The following KALRN variants were observed in gnomAD, a reference collection of about 807,000 sequenced individuals.
KALRN encodes kalirin RhoGEF kinase, also known as kalirin.
KALRN carries 70 observed loss-of-function variants against 353.7 expected under a neutral mutation model. That is an observed-to-expected ratio of 0.20 (90% CI 0.16 to 0.24). The LOEUF (loss-of-function observed/expected upper bound fraction) is 0.24, where lower values mean the gene tolerates loss of function less well. Among genes scored for constraint, KALRN ranks in the 10% least tolerant of loss-of-function variants. The pLI, the probability that KALRN is intolerant of heterozygous loss-of-function variation, is 1.00. For synonymous variants in KALRN, 1,391 were observed against 1,434.8 expected, an observed-to-expected ratio of 0.97 and a Z score of 0.69; for missense variants, 2,791 against 3,756.7, an observed-to-expected ratio of 0.74 and a Z score of 6.72.
At chr3:124,338,684 A>T (rs1024274948) in intron 9 of KALRN, among the ~76,000 whole-genome samples, 1 of 152,094 alleles carries the variant, frequency 6.6e-6, no homozygotes, top group Non-Finnish European at 1.5e-5. Flanking sequence ...CAAGTCATGG[A>T]TATCCTTGTT....
At chr3:124,188,356 G>C (rs1157883648) in intron 1 of KALRN, among the ~76,000 whole-genome samples, 1 of 152,216 alleles carries the variant, frequency 6.6e-6, no homozygotes, top group African/African-American at 2.4e-5. Flanking sequence ...AAATAGTCAT[G>C]AGGGGTGCGC....
chr3:124,110,327 TATATATATG>T, intron 1 of KALRN, among the ~76,000 whole-genome samples: 1 of 44,988 alleles, frequency 2.2e-5, no homozygotes, highest in Non-Finnish European at 6.2e-5. Context: ...CATACTTTGA[TATATATATG>T]ACATATATAT....
intron 1 of KALRN, among the ~76,000 whole-genome samples, chr3:124,127,944 A>G (rs2064873270): frequency 6.6e-6 from 1 of 151,526 alleles, no homozygotes; most frequent in South Asian, 2.1e-4. Flanking sequence ...CTTATGCTTC[A>G]TTTACTTTTT....
At chr3:124,307,262 G>C (rs1158272665) in intron 6 of KALRN, among the ~76,000 whole-genome samples, 1 of 151,986 alleles carries the variant, frequency 6.6e-6, no homozygotes, top group Non-Finnish European at 1.5e-5. Flanking sequence ...ATTTGTAGTA[G>C]GCTAAGGAAA....
intron 6 of KALRN, among the ~76,000 whole-genome samples, chr3:124,313,193 C>G (rs1033939871): frequency 6.6e-6 from 1 of 152,214 alleles, no homozygotes; most frequent in Non-Finnish European, 1.5e-5. Context: ...ACTGCATGAT[C>G]TTTCAAGTTC....
chr3:124,420,877 C>T (rs371325949), intron 14 of KALRN, among the ~76,000 whole-genome samples: 26 of 152,152 alleles, frequency 1.7e-4, no homozygotes, highest in African/African-American at 5.3e-4. Flanking sequence ...GGATTTCTGA[C>T]GGTGTGAGTT....
chr3:124,083,513 A>G (rs2060648560), intron 1 of KALRN, among the ~76,000 whole-genome samples: 1 of 152,168 alleles, frequency 6.6e-6, no homozygotes, highest in South Asian at 2.1e-4. Context: ...AAGGCTGACA[A>G]CATAATGATA....
At chr3:124,153,106 T>C in intron 1 of KALRN, 1 of 156,210 alleles carries the variant, frequency 6.4e-6, no homozygotes, top group South Asian at 1.9e-4. Context: ...ATTTTTTAAT[T>C]TTAATTTTTA....
At chr3:124,112,243 C>T (rs1253033463) in intron 1 of KALRN, among the ~76,000 whole-genome samples, 1 of 144,886 alleles carries the variant, frequency 6.9e-6, no homozygotes, top group African/African-American at 2.6e-5. Context: ...GCAGAGACTG[C>T]AGTGAGCCTA....
chr3:124,242,680 T>G (rs146741218), intron 3 of KALRN, among the ~76,000 whole-genome samples: 133 of 152,242 alleles, frequency 8.7e-4, no homozygotes, highest in African/African-American at 3.1e-3. Flanking sequence ...GGAACCTAAG[T>G]GTGAAGGTTG....
chr3:124,054,191 A>G (rs2041307418), intron 1 of KALRN, among the ~76,000 whole-genome samples: 1 of 152,066 alleles, frequency 6.6e-6, no homozygotes, highest in Non-Finnish European at 1.5e-5. Flanking sequence ...CTGCAGTACC[A>G]CATCCTCCTC....
intron 33 of KALRN, among the ~76,000 whole-genome samples, chr3:124,532,188 T>C (rs2068099229): frequency 1.3e-5 from 2 of 152,214 alleles, no homozygotes; most frequent in African/African-American, 4.8e-5. Flanking sequence ...CACTGACCAA[T>C]GTTGCAAAGC....
chr3:124,167,318 C>G (rs1359607156), intron 1 of KALRN, among the ~76,000 whole-genome samples: 1 of 152,166 alleles, frequency 6.6e-6, no homozygotes, highest in African/African-American at 2.4e-5. Context: ...TCGCTCTTAC[C>G]CTGGGATACC....
intron 3 of KALRN, among the ~76,000 whole-genome samples, chr3:124,262,237 G>A (rs2072980919): frequency 6.6e-6 from 1 of 152,076 alleles, no homozygotes; most frequent in African/African-American, 2.4e-5. Context: ...AGAAATTTTA[G>A]ACATGAGAAA....
chr3:124,086,007 C>G (rs920001241), intron 1 of KALRN, among the ~76,000 whole-genome samples: 12 of 152,142 alleles, frequency 7.9e-5, no homozygotes, highest in African/African-American at 2.9e-4. Flanking sequence ...TCATGGAACC[C>G]TTTCATGTTA....
chr3:124,109,774 G>C (rs1285735162), intron 1 of KALRN, among the ~76,000 whole-genome samples: 5,063 of 67,900 alleles, frequency 0.075, 26 homozygotes, highest in East Asian at 0.26. Context: ...ATATATATAT[G>C]ACATATATAT....
At chr3:124,227,594 G>C (rs954947482) in intron 1 of KALRN, among the ~76,000 whole-genome samples, 12 of 150,370 alleles carry the variant, frequency 8.0e-5, no homozygotes, top group African/African-American at 2.9e-4. Context: ...CACTGTGCTA[G>C]GCACTAGAGG....
intron 49 of KALRN, chr3:124,677,690 C>T: frequency 2.3e-6 from 1 of 439,138 alleles, no homozygotes; most frequent in Non-Finnish European, 4.5e-6. Context: ...TGGGAGTGGC[C>T]CTGCCCAAAT....
intron 25 of KALRN, among the ~76,000 whole-genome samples, chr3:124,471,286 A>G (rs1327169609): frequency 6.8e-6 from 1 of 147,508 alleles, no homozygotes; most frequent in African/African-American, 2.5e-5. Flanking sequence ...TATTATTATT[A>G]TTATTATTAT....
Sources: gnomAD v4.1 joint callset for allele counts (sites outside exome capture counted in the v4.1 genomes callset) on GRCh38, gnomAD v4.1.1 for gene constraint, MANE v1.5 for transcripts, NCBI Gene and HGNC (gene_info 2026-07-23, HGNC 2026-07-21) for gene names.